Variants in ANGPT1 observed in about 807,000 individuals in gnomAD.
ANGPT1 encodes angiopoietin 1, also known as angiopoietin-1.
In ANGPT1, 17 loss-of-function variants were observed where a neutral mutation model predicts 62.2. The ratio of observed to expected loss-of-function variants is 0.27; its 90% CI spans 0.19 to 0.41. The LOEUF (loss-of-function observed/expected upper bound fraction) is 0.41. ANGPT1 is among the 10% of genes least tolerant of loss of function. ANGPT1 has a pLI of 1.00. For missense variants in ANGPT1, 478 were observed against 594.9 expected (o/e 0.80, Z 2.04); for synonymous variants, 199 against 198.9 (o/e 1.00, Z 0.00).
chr8:107,363,970 G>C (rs962788974), intron 1 of ANGPT1, among the ~76,000 whole-genome samples: 1 of 152,140 alleles, frequency 6.6e-6, no homozygotes, highest in Admixed American at 6.6e-5. Context: ...GACACTTGCT[G>C]ACTGACTAAT....
At chr8:107,310,334 T>G (rs2130006975) in intron 4 of ANGPT1, among the ~76,000 whole-genome samples, 1 of 152,298 alleles carries the variant, frequency 6.6e-6, no homozygotes, top group South Asian at 2.1e-4. Context: ...TCACCAAAAC[T>G]TGTAAGTAGT....
intron 1 of ANGPT1, among the ~76,000 whole-genome samples, chr8:107,361,449 AG>A (rs1325889008): frequency 6.7e-6 from 1 of 148,524 alleles, no homozygotes; most frequent in African/African-American, 2.4e-5. Context: ...GAATATATAT[AG>A]ATCTATCTAT....
At chr8:107,468,300 C>T (rs1812258894) in intron 1 of ANGPT1, among the ~76,000 whole-genome samples, 1 of 151,938 alleles carries the variant, frequency 6.6e-6, no homozygotes, top group Non-Finnish European at 1.5e-5. Context: ...AAATGGGGTA[C>T]TTTCGTTGCC....
At chr8:107,437,488 TG>T (rs1350855389) in intron 1 of ANGPT1, among the ~76,000 whole-genome samples, 1 of 152,204 alleles carries the variant, frequency 6.6e-6, no homozygotes, top group African/African-American at 2.4e-5. Context: ...TGAATAGCTA[TG>T]GTTTCAAGGC....
rs888467246 is a variant in ANGPT1 at position 107,336,142 on chromosome 8, A to G, written c.575+8T>C. On this transcript the variant is annotated splice_region_variant and intron_variant, in intron 3 of 8. Coordinates refer to ENST00000517746, the MANE Select transcript of ANGPT1 (RefSeq NM_001146.5). ...ACAGAAACATTTTTGGAATAAAGCA[A>G]TCCTCACCTGTTTTTTTCATGGATC... The G allele has an allele frequency of 6.3e-7, 1 of 1,598,972 alleles. No individual in the cohort carries two copies. Among genetic ancestry groups the G allele is most frequent in the East Asian group, 2.3e-5 (1 of 44,434 alleles).
chr8:107,388,327 A>T (rs1022134753), intron 1 of ANGPT1, among the ~76,000 whole-genome samples: 10 of 152,096 alleles, frequency 6.6e-5, no homozygotes, highest in Non-Finnish European at 1.3e-4. Flanking sequence ...AGGTGGGAGG[A>T]TCACTTGAGC....
At chr8:107,276,730 A>C (rs1280411811) in intron 7 of ANGPT1, among the ~76,000 whole-genome samples, 1 of 152,176 alleles carries the variant, frequency 6.6e-6, no homozygotes, top group Admixed American at 6.6e-5. Context: ...AAATTGTCCA[A>C]GGTCATTCAG....
At chr8:107,375,122 T>A (rs1816503404) in intron 1 of ANGPT1, among the ~76,000 whole-genome samples, 2 of 151,934 alleles carry the variant, frequency 1.3e-5, no homozygotes. Flanking sequence ...ATCATGCCAC[T>A]GCACTCCAGC....
At chr8:107,386,787 C>T (rs1321065084) in intron 1 of ANGPT1, among the ~76,000 whole-genome samples, 1 of 152,066 alleles carries the variant, frequency 6.6e-6, no homozygotes, top group Non-Finnish European at 1.5e-5. Context: ...TTATTATACA[C>T]TAACACAGTC....
At chr8:107,451,665 G>A (rs1811781709) in intron 1 of ANGPT1, among the ~76,000 whole-genome samples, 1 of 151,908 alleles carries the variant, frequency 6.6e-6, no homozygotes, top group South Asian at 2.1e-4. Flanking sequence ...TCTAACTGGG[G>A]CATAGAATGG....
chr8:107,388,306 T>G (rs1172880903), intron 1 of ANGPT1, among the ~76,000 whole-genome samples: 1 of 152,118 alleles, frequency 6.6e-6, no homozygotes, highest in African/African-American at 2.4e-5. Flanking sequence ...TCCTAGCTAC[T>G]TCAGAGGCTG....
intron 1 of ANGPT1, among the ~76,000 whole-genome samples, chr8:107,415,960 T>C (rs1810729496): frequency 6.6e-6 from 1 of 151,448 alleles, no homozygotes; most frequent in African/African-American, 2.4e-5. Context: ...TATAGGGGAG[T>C]GGAGAAGTTT....
intron 1 of ANGPT1, among the ~76,000 whole-genome samples, chr8:107,484,961 A>G (rs1421091739): frequency 1.3e-5 from 2 of 152,206 alleles, no homozygotes; most frequent in African/African-American, 4.8e-5. Context: ...ATCACACACA[A>G]TAGATGGAAG....
At chr8:107,298,266 A>G (rs1814468681) in intron 5 of ANGPT1, among the ~76,000 whole-genome samples, 1 of 151,980 alleles carries the variant, frequency 6.6e-6, no homozygotes, top group African/African-American at 2.4e-5. Flanking sequence ...TCCATACCAT[A>G]AATGAAAAGG....
chr8:107,380,420 G>T (rs189193689), intron 1 of ANGPT1, among the ~76,000 whole-genome samples: 3 of 150,520 alleles, frequency 2.0e-5, no homozygotes, highest in African/African-American at 7.3e-5. Context: ...CTATATATAC[G>T]TATATATATG....
rs760958432 is a variant in ANGPT1 at position 107,497,307 on chromosome 8, T to C, written c.252A>G (p.Gln84=). ...VEPDFSSQKL[Q]HLEHVMENYT... ...AATTTTCCATCACATGTTCCAGATGTTGAAGTTTCTGGGAAGAGAAATCCG... is the reference window on the plus strand; with the variant it reads ...AATTTTCCATCACATGTTCCAGATGCTGAAGTTTCTGGGAAGAGAAATCCG... The change falls in exon 1 of 9, where the codon CAA becomes CAG. Residue 84 remains glutamine, a synonymous_variant. Transcript: ENST00000517746. The C allele has an allele frequency of 7.4e-6, 12 of 1,614,226 alleles. No individual in the cohort carries two copies. The highest frequency in any genetic ancestry group is 1.0e-5 in the Non-Finnish European group (12 of 1,180,026).
At chr8:107,441,318 C>A (rs1220554110) in intron 1 of ANGPT1, among the ~76,000 whole-genome samples, 1 of 152,088 alleles carries the variant, frequency 6.6e-6, no homozygotes, top group Non-Finnish European at 1.5e-5. Flanking sequence ...TATTTTCTAC[C>A]CCTAGGGATC....
intron 1 of ANGPT1, among the ~76,000 whole-genome samples, chr8:107,470,221 A>G (rs1812316650): frequency 6.6e-6 from 1 of 152,078 alleles, no homozygotes. Flanking sequence ...TAGCCCTTTT[A>G]ATGATTGACA....
intron 1 of ANGPT1, among the ~76,000 whole-genome samples, chr8:107,448,160 C>T (rs1344316510): frequency 2.0e-5 from 3 of 152,164 alleles, no homozygotes; most frequent in African/African-American, 7.2e-5. Flanking sequence ...TCATTAATGT[C>T]AAGTTTTAAT....
Sources: gnomAD v4.1 joint callset for allele counts (sites outside exome capture counted in the v4.1 genomes callset) on GRCh38, gnomAD v4.1.1 for gene constraint, MANE v1.5 for transcripts, NCBI Gene and HGNC (gene_info 2026-07-23, HGNC 2026-07-21) for gene names.